Variants in ITGB4 observed in about 807,000 individuals in gnomAD.
ITGB4 encodes integrin subunit beta 4.
Under a neutral mutation model 207.6 loss-of-function variants are expected in ITGB4, and 159 were observed. That is an observed-to-expected ratio of 0.77 (90% CI 0.67 to 0.87). The LOEUF is 0.87. ITGB4 is among the 40% of genes least tolerant of loss of function. The probability of loss-of-function intolerance (pLI) is 0.00; values close to 1 mark genes in which losing one functional copy is unlikely to be tolerated. For missense variants in ITGB4, 2,278 were observed against 2,546.8 expected (o/e 0.89, Z 2.27); for synonymous variants, 1,020 against 1,062.7 (o/e 0.96, Z 0.78).
At chr17:75,738,398 C>A (rs777488297) in intron 18 of ITGB4, among the ~76,000 whole-genome samples, 1 of 152,186 alleles carries the variant, frequency 6.6e-6, no homozygotes, top group Non-Finnish European at 1.5e-5. Flanking sequence ...CATTTCCCCG[C>A]CCCCCATCAC....
chr17:75,737,918 G>T (rs1488514463), intron 18 of ITGB4, among the ~76,000 whole-genome samples: 1 of 147,720 alleles, frequency 6.8e-6, no homozygotes, highest in African/African-American at 2.6e-5. Context: ...CTCCATCAGG[G>T]TCCTCCTCAG....
rs974851902 is a variant in ITGB4 at position 75,757,013 on chromosome 17, G to C, written c.5124G>C (p.Glu1708Asp). The C allele has an allele frequency of 1.9e-6, 3 of 1,612,338 alleles. No individual in the cohort carries two copies. The highest frequency in any genetic ancestry group is 2.7e-5 in the African/African-American group (2 of 74,718). The change falls in exon 38 of 40, where the codon GAG becomes GAC. Residue 1708 changes from glutamate (E) to aspartate (D), a missense_variant. Glu to Asp is a conservative substitution (Grantham distance 45). Transcript: ENST00000200181. ...ESRLTVPGLS[E>D]NVPYKFKVQA... Reference sequence around the variant, plus strand: ...GGCTGACCGTGCCGGGCCTCAGCGAGAACGTGCCCTACAAGTTCAAGGTGC... The same window carrying C: ...GGCTGACCGTGCCGGGCCTCAGCGACAACGTGCCCTACAAGTTCAAGGTGC...
At chr17:75,743,384 C>T (rs1447161075) in intron 25 of ITGB4, among the ~76,000 whole-genome samples, 1 of 152,186 alleles carries the variant, frequency 6.6e-6, no homozygotes, top group African/African-American at 2.4e-5. Flanking sequence ...AGGCACTCGC[C>T]ACCACGCCCA....
chr17:75,736,068 A>G lies in ITGB4; in HGVS notation c.1675A>G (p.Met559Val), dbSNP rs547605316. The G allele has an allele frequency of 1.7e-5, 27 of 1,614,110 alleles. No individual in the cohort carries two copies. The South Asian group carries it at 2.6e-4, about 16-fold the overall frequency. ...CTCTGCAGACCGAGGACGCTGCTCC[A>G]TGGGCCAGTGTGTGTGTGAGCCTGG... ...FLCNDRGRCSMGQCVCEPGWT... is the reference protein window; with the variant it reads ...FLCNDRGRCSVGQCVCEPGWT... The change falls in exon 14 of 40, where the codon ATG (methionine) becomes GTG (valine). Residue 559 changes from methionine to valine, a missense_variant. Transcript: ENST00000200181.
Position 75,736,456 on chromosome 17 carries a change from C to A in ITGB4, c.1860+70C>A, listed in dbSNP as rs933066282. On this transcript the variant is annotated intron_variant, in intron 15 of 39. Transcript: ENST00000200181. The stretch of plus-strand genomic sequence containing the variant: ...CACAGGGCAGTGTGGGCAGGAGGGG[C>A]TAAGCCTGATGCCACAGGAGCTGGC... The A allele has an allele frequency of 7.5e-6, 12 of 1,609,320 alleles. No individual in the cohort carries two copies. The Admixed American group carries it at 1.3e-4, about 18-fold the overall frequency.
rs2061376547 is a variant in ITGB4 at position 75,751,982 on chromosome 17, G to A, written c.3794-192G>A. 15 of 721,308 alleles carry A rather than the reference G, an allele frequency of 2.1e-5. 1 individual carries two copies. The South Asian group carries it at 2.2e-4, about 11-fold the overall frequency. The allele number at this position is 721,308 out of a possible 1,614,324, so 44.7% of individuals were successfully genotyped here. A position where few individuals can be genotyped will look rare whatever the true frequency, so the allele number is the denominator to read the frequency against. ...CAGCAGAGTCCCTTGGAGGACTGGTGACATATGTCCACGCCAGTCATGCTG... is the reference window on the plus strand; with the variant it reads ...CAGCAGAGTCCCTTGGAGGACTGGTAACATATGTCCACGCCAGTCATGCTG... On this transcript the variant is annotated intron_variant, in intron 30 of 39. Coordinates refer to ENST00000200181, the MANE Select transcript of ITGB4 (RefSeq NM_000213.5).
intron 2 of ITGB4, among the ~76,000 whole-genome samples, chr17:75,726,488 T>C (rs1433839333): frequency 6.6e-6 from 1 of 151,702 alleles, no homozygotes; most frequent in Non-Finnish European, 1.5e-5. Flanking sequence ...TCCCAGCACT[T>C]TGGGAGGCTG....
At chr17:75,744,347 C>T (rs191732935) in intron 26 of ITGB4, among the ~76,000 whole-genome samples, 75 of 151,796 alleles carry the variant, frequency 4.9e-4, no homozygotes, top group African/African-American at 1.3e-3. Flanking sequence ...CTGGAACTCC[C>T]GACCTCAGGT....
At chr17:75,735,524 T>G (rs1390008064) in intron 13 of ITGB4, among the ~76,000 whole-genome samples, 3 of 150,464 alleles carry the variant, frequency 2.0e-5, no homozygotes, top group Non-Finnish European at 3.0e-5. Flanking sequence ...GTGATTCTCC[T>G]GCCTCAGCCT....
chr17:75,722,682 G>C lies in ITGB4; in HGVS notation c.-11+1070G>C, dbSNP rs1182635937. Among the ~76,000 whole-genome samples the C allele has an allele frequency of 1.3e-5, 2 of 152,204 alleles. No homozygotes were observed. Among genetic ancestry groups the C allele is most frequent in the African/African-American group, 4.8e-5 (2 of 41,550 alleles). On this transcript the variant is annotated intron_variant, in intron 1 of 39. Coordinates refer to ENST00000200181, the MANE Select transcript of ITGB4 (RefSeq NM_000213.5). This position sits in a 1 kb window ranked among gnomAD's most constrained non-coding sequence, Gnocchi z 6.2. ...GGGAGAGGATAGTGGACAGGAGCAGGTGTGCCCAGAGGGGTCCCCAGGGGT... is the reference window on the plus strand; with the variant it reads ...GGGAGAGGATAGTGGACAGGAGCAGCTGTGCCCAGAGGGGTCCCCAGGGGT...
intron 16 of ITGB4, 21 bp downstream of exon 16, chr17:75,736,715 T>C (rs1354995500): frequency 1.3e-6 from 2 of 1,585,470 alleles, no homozygotes; most frequent in Non-Finnish European, 1.7e-6. Context: ...GGGCTGAGGG[T>C]TGGGGTTGCT....
At chr17:75,749,086 G>A in intron 27 of ITGB4, 41 bp downstream of exon 27, 1 of 1,518,762 alleles carries the variant, frequency 6.6e-7, no homozygotes, top group South Asian at 1.1e-5. Flanking sequence ...GGAGGAGAGG[G>A]AAGACTGGGG....
chr17:75,755,924 C>A, intron 35 of ITGB4, 74 bp downstream of exon 35: 1 of 1,533,448 alleles, frequency 6.5e-7, no homozygotes, highest in East Asian at 2.4e-5. Context: ...CATAGGGTAC[C>A]TCAGCTGTGT....
intron 12 of ITGB4, 64 bp from the exon 13 acceptor site, chr17:75,733,426 G>T: frequency 3.2e-6 from 4 of 1,268,440 alleles, no homozygotes; most frequent in Non-Finnish European, 4.6e-6. Flanking sequence ...TAAATTAAAT[G>T]GGACAGCAAA....
Position 75,731,200 on chromosome 17 carries a change from A to C in ITGB4, c.1093-46A>C. 2 of 1,612,866 alleles carry C rather than the reference A, an allele frequency of 1.2e-6. No individual in the cohort carries two copies. The highest frequency in any genetic ancestry group is 8.5e-7 in the Non-Finnish European group (1 of 1,179,918). On this transcript the variant is annotated intron_variant, in intron 9 of 39. Coordinates refer to ENST00000200181, the MANE Select transcript of ITGB4 (RefSeq NM_000213.5). The surrounding 1 kb of genome is among the most constrained non-coding windows in gnomAD (Gnocchi z 6.8). ...CCACACTTGGAGGTTGGGGTGGAGC[A>C]CAGAGGCCCCCCACAGAGCACTGAT...
rs777967727 is a variant in ITGB4, at chr17:75,735,414, T to TTTC, written c.1658-635_1658-634insCTT. ...CAGTTTTATTTCTTTTTTCTTTTCT[T>TTTC]TTTTTTTTTTTTTTTTTGAGACGGA... On this transcript the variant is annotated intron_variant, in intron 13 of 39. Coordinates refer to ENST00000200181, the MANE Select transcript of ITGB4 (RefSeq NM_000213.5). 1.9e-3 allele frequency among the ~76,000 whole-genome samples: 147 copies of TTTC among 77,018 alleles called. 1 individual carries two copies. The East Asian group carries it at 0.077, about 41-fold the overall frequency. 50.5% of individuals were successfully genotyped at this position (77,018 alleles called of 152,430 possible).
rs201097664 is a variant in ITGB4, at chr17:75,755,089, G to A, written c.4558+274G>A. 6.4e-5 allele frequency: 102 copies of A among 1,602,294 alleles called. No individual in the cohort carries two copies. Among genetic ancestry groups the A allele is most frequent in the Non-Finnish European group, 7.9e-5 (93 of 1,174,486 alleles). ...CCATCTGGGAACACGGGAGGAGCAG[G>A]CTTCCGCTGTCCTGGGCCCTGGGGT... is the stretch of plus-strand genomic sequence containing the variant. On this transcript the variant is annotated intron_variant, in intron 34 of 39. Transcript: ENST00000200181.
At position 75,748,824 on chromosome 17, in the gene ITGB4, AC is replaced by A; in HGVS notation, c.3112-12del. ...GCCCCCAGCCATGACCCTGACCCTG[AC>A]CCCCTCCACTCCCAGGACTACATCC... On this transcript the variant is annotated splice_polypyrimidine_tract_variant and intron_variant, in intron 26 of 39. Transcript: ENST00000200181. 5 of 1,589,700 alleles carry A rather than the reference AC, an allele frequency of 3.1e-6. No individual in the cohort carries two copies. The highest frequency in any genetic ancestry group is 3.4e-6 in the Non-Finnish European group (4 of 1,167,724).
chr17:75,744,022 C>T (rs902419905), intron 26 of ITGB4, among the ~76,000 whole-genome samples, 161 bp downstream of exon 26: 1 of 152,110 alleles, frequency 6.6e-6, no homozygotes, highest in African/African-American at 2.4e-5. Context: ...CTCCTGCCAC[C>T]CTGTGGCAGG....
Sources: allele counts gnomAD v4.1 joint callset (sites outside exome capture counted in the v4.1 genomes callset), GRCh38; gene constraint gnomAD v4.1.1; non-coding constraint Gnocchi (gnomAD v3.1); transcripts MANE v1.5; gene names NCBI Gene and HGNC (gene_info 2026-07-23, HGNC 2026-07-21).